The following SHISA9 variants were observed in gnomAD, a reference collection of about 807,000 sequenced individuals.
SHISA9 encodes protein shisa-9.
In SHISA9, 13 loss-of-function variants were observed where a neutral mutation model predicts 38.0. That is an observed-to-expected ratio of 0.34 (90% CI 0.22 to 0.54). The LOEUF is 0.54. Among genes scored for constraint, SHISA9 ranks in the 20% least tolerant of loss-of-function variants. SHISA9 has a pLI of 0.91. For missense variants in SHISA9, 538 were observed against 575.8 expected (o/e 0.93, Z 0.67); for synonymous variants, 275 against 242.0 (o/e 1.14, Z -1.27).
the SHISA9 span, among the ~76,000 whole-genome samples, chr16:13,489,986 A>C: frequency 6.6e-6 from 1 of 152,192 alleles, no homozygotes; most frequent in East Asian, 1.9e-4. Context: ...TGCATGGGAT[A>C]CCAGGGGTCT....
intron 2 of SHISA9, among the ~76,000 whole-genome samples, chr16:13,015,853 C>CCTTTCTTTGTTTGTTT (rs1555454797): frequency 5.1e-5 from 5 of 98,632 alleles, no homozygotes; most frequent in Non-Finnish European, 1.1e-4. Flanking sequence ...TCTTTCTTTC[C>CCTTTCTTTGTTTGTTT]CTTTCTTTCT....
At chr16:13,123,083 A>T (rs186033602) in intron 2 of SHISA9, among the ~76,000 whole-genome samples, 1 of 152,352 alleles carries the variant, frequency 6.6e-6, no homozygotes, top group Admixed American at 6.5e-5. Flanking sequence ...TTTATAGATG[A>T]GAAACCAACT....
chr16:12,917,410 T>C (rs369741525), intron 2 of SHISA9, among the ~76,000 whole-genome samples: 1 of 152,146 alleles, frequency 6.6e-6, no homozygotes, highest in Non-Finnish European at 1.5e-5. Context: ...TTCCTCTGTA[T>C]GATTCAACAG....
the SHISA9 span, among the ~76,000 whole-genome samples, chr16:13,296,301 A>G: frequency 6.6e-6 from 1 of 152,002 alleles, no homozygotes; most frequent in Non-Finnish European, 1.5e-5. Flanking sequence ...TGGGAAAATA[A>G]GTGGTTACAT....
chr16:12,920,013 C>T (rs1259252125), intron 2 of SHISA9, among the ~76,000 whole-genome samples: 1 of 152,194 alleles, frequency 6.6e-6, no homozygotes, highest in Non-Finnish European at 1.5e-5. Flanking sequence ...AGTGACACCC[C>T]TCTCCCCCTT....
chr16:13,074,381 T>G (rs1484670176), intron 2 of SHISA9, among the ~76,000 whole-genome samples: 2 of 152,170 alleles, frequency 1.3e-5, no homozygotes, highest in Non-Finnish European at 2.9e-5. Context: ...TGAGAACCAA[T>G]GGCTCAGAGC....
chr16:13,452,321 G>C, the SHISA9 span, among the ~76,000 whole-genome samples: 1 of 152,106 alleles, frequency 6.6e-6, no homozygotes, highest in African/African-American at 2.4e-5. Context: ...GATGCTTCAG[G>C]GTGAAAATGC....
chr16:13,497,691 A>AT, the SHISA9 span, among the ~76,000 whole-genome samples: 6 of 115,198 alleles, frequency 5.2e-5, no homozygotes, highest in Admixed American at 3.3e-4. Context: ...TCTCCAAAAA[A>AT]AAAAAAAAAA....
At chr16:13,474,402 G>T in the SHISA9 span, 1 of 152,196 alleles carries the variant, frequency 6.6e-6, no homozygotes, top group Admixed American at 6.5e-5. Context: ...TTTGTTGCAT[G>T]TTATGTATGT....
chr16:13,556,063 C>A, the SHISA9 span, among the ~76,000 whole-genome samples: 1,346 of 152,300 alleles, frequency 8.8e-3, 23 homozygotes, highest in African/African-American at 0.031. Flanking sequence ...ATGCAAAGCA[C>A]TTAGCCTAAC....
At chr16:13,478,065 T>C in the SHISA9 span, among the ~76,000 whole-genome samples, 7 of 152,228 alleles carry the variant, frequency 4.6e-5, no homozygotes, top group African/African-American at 1.7e-4. Flanking sequence ...CCTGTTTTGT[T>C]TGAGCGACAT....
intron 4 of SHISA9, among the ~76,000 whole-genome samples, chr16:13,222,499 A>C (rs1433485984): frequency 2.0e-5 from 3 of 152,222 alleles, no homozygotes. Flanking sequence ...GGTAAAGCAG[A>C]AATAGGACAC....
intron 2 of SHISA9, among the ~76,000 whole-genome samples, chr16:12,948,516 A>G (rs12933061): frequency 0.15 from 23,098 of 152,222 alleles, 1,968 homozygotes; most frequent in African/African-American, 0.23. Flanking sequence ...ACACAAAAGA[A>G]GTTTATTTCT....
intron 2 of SHISA9, among the ~76,000 whole-genome samples, chr16:12,976,622 C>T (rs1054250314): frequency 3.9e-5 from 6 of 152,160 alleles, no homozygotes; most frequent in African/African-American, 1.4e-4. Context: ...TCCTCATTCT[C>T]AGAATCTCTC....
At chr16:13,213,364 A>G in intron 4 of SHISA9, 64 bp downstream of exon 4, 23 of 1,434,354 alleles carry the variant, frequency 1.6e-5, no homozygotes, top group Non-Finnish European at 2.1e-5. Context: ...TAAATAATGA[A>G]GGGATAGAGA....
rs549834415 is a variant in SHISA9 at position 13,010,073 on chromosome 16, G to A, written c.691+93258G>A. 3.3e-5 allele frequency among the ~76,000 whole-genome samples: 5 copies of A among 152,274 alleles called. No homozygotes were observed. In the South Asian group the frequency reaches 6.2e-4, roughly 19 times the overall value. ...CACACCTGTGGTCCCAGCTACTCGGGAGGCTGAGGCAGGAAGGTCGCTTGA... is the reference window on the plus strand; with the variant it reads ...CACACCTGTGGTCCCAGCTACTCGGAAGGCTGAGGCAGGAAGGTCGCTTGA... On this transcript the variant is annotated intron_variant, in intron 2 of 4. Coordinates refer to ENST00000558583, the MANE Select transcript of SHISA9 (RefSeq NM_001145204.3).
chr16:13,036,919 C>T (rs552883691), intron 2 of SHISA9, among the ~76,000 whole-genome samples: 20 of 152,030 alleles, frequency 1.3e-4, no homozygotes, highest in Non-Finnish European at 2.8e-4. Flanking sequence ...TCACGTAAAG[C>T]CCTATTTATA....
intron 2 of SHISA9, among the ~76,000 whole-genome samples, chr16:12,944,984 G>C (rs549195692): frequency 1.2e-4 from 19 of 152,160 alleles, no homozygotes; most frequent in Non-Finnish European, 2.6e-4. Context: ...AACTCTGGGG[G>C]AGCAAGAAGA....
chr16:13,350,154 G>A, the SHISA9 span: 1 of 152,386 alleles, frequency 6.6e-6, no homozygotes, highest in African/African-American at 2.4e-5. Context: ...CAAAGCAAGA[G>A]TGAATTTGTT....
Sources: allele counts gnomAD v4.1 joint callset (sites outside exome capture counted in the v4.1 genomes callset), GRCh38; gene constraint gnomAD v4.1.1; transcripts MANE v1.5; gene names NCBI Gene and HGNC (gene_info 2026-07-23, HGNC 2026-07-21).